The following MPRIP variants were observed in gnomAD, a reference collection of about 807,000 sequenced individuals.
MPRIP encodes myosin phosphatase Rho interacting protein, also known as myosin phosphatase Rho-interacting protein.
Under a neutral mutation model 234.9 loss-of-function variants are expected in MPRIP, and 59 were observed. That is an observed-to-expected ratio of 0.25 (90% confidence interval 0.20 to 0.31). The LOEUF (loss-of-function observed/expected upper bound fraction) is 0.31. Ranked by LOEUF, MPRIP falls within the 10% of genes least tolerant of loss-of-function variation. The pLI is 1.00. For synonymous variants in MPRIP, 1,144 were observed against 1,263.9 expected (o/e 0.91, Z 2.01); for missense variants, 2,436 against 3,071.0 (o/e 0.79, Z 4.89).
intron 22 of MPRIP, 137 bp downstream of exon 22, chr17:17,177,549 G>T (rs1327838440): frequency 1.1e-6 from 1 of 948,880 alleles, no homozygotes; most frequent in East Asian, 2.7e-5. Flanking sequence ...AGTGGAGCAG[G>T]AGCACCAGCT....
intron 12 of MPRIP, among the ~76,000 whole-genome samples, chr17:17,151,637 C>T (rs9893676): frequency 1.3e-5 from 2 of 152,148 alleles, no homozygotes; most frequent in Admixed American, 6.5e-5. Context: ...GCCAGGCCAG[C>T]CTCTACCCTG....
intron 6 of MPRIP, 91 bp from the exon 7 acceptor site, chr17:17,137,825 T>G: frequency 8.2e-7 from 1 of 1,218,126 alleles, no homozygotes; most frequent in Non-Finnish European, 1.1e-6. Context: ...GGCCCCTGCT[T>G]GGATCCTACA....
Position 17,166,212 on chromosome 17 carries a change from G to A in MPRIP, c.4621G>A (p.Glu1541Lys). 7.7e-7 allele frequency: 1 copy of A among 1,303,408 alleles called. No homozygotes were observed. The highest frequency in any genetic ancestry group is 1.0e-6 in the Non-Finnish European group (1 of 988,576). The allele number at this position is 1,303,408 out of a possible 1,614,324, so 80.7% of individuals were successfully genotyped here. Residue 1541 changes from glutamate (E) to lysine (K), a missense_variant, in exon 16 of 24, where the codon GAG (glutamate) becomes AAG (lysine). Transcript: ENST00000651222. This position sits in a 1 kb window ranked among gnomAD's most constrained non-coding sequence, Gnocchi z 4.4. ...RAQLETGGTE[E>K]NGKPASLQQC... ...ACAGCTGGAGACAGGTGGCACCGAG[G>A]AGAATGGGAAGCCTGCCTCCCTGCA...
At chr17:17,079,254 A>G (rs2089406683) in intron 3 of MPRIP, among the ~76,000 whole-genome samples, 1 of 152,164 alleles carries the variant, frequency 6.6e-6, no homozygotes, top group Non-Finnish European at 1.5e-5. Flanking sequence ...ACTGGTTCCT[A>G]CTTAAAAAGA....
chr17:17,061,257 G>A (rs1382853192), intron 1 of MPRIP, among the ~76,000 whole-genome samples: 2 of 152,194 alleles, frequency 1.3e-5, no homozygotes, highest in African/African-American at 4.8e-5. Context: ...ACTTACATCA[G>A]AATGTCCCAG....
chr17:17,168,292 T>C, intron 16 of MPRIP: 1 of 268,036 alleles, frequency 3.7e-6, no homozygotes, highest in South Asian at 4.0e-5. Flanking sequence ...TCTGGCCCAG[T>C]CCCAGCCCAA....
Position 17,138,354 on chromosome 17 carries a change from G to A in MPRIP, c.1175G>A (p.Arg392Lys), listed in dbSNP as rs918370498. 8.4e-6 allele frequency: 3 copies of A among 356,964 alleles called. No individual in the cohort carries two copies. The highest frequency in any genetic ancestry group is 4.6e-5 in the Admixed American group (1 of 21,578). 22.1% of individuals were successfully genotyped at this position (356,964 alleles called of 1,614,324 possible). ...SHREAFQVER[R>K]RLERRTRARS... is the part of the protein sequence containing the mutation. Reference sequence around the variant, plus strand: ...CGAGAAGCCTTCCAGGTGGAGAGAAGGCGGCTGGAGCGTAGAACTCGGGCC... The same window carrying A: ...CGAGAAGCCTTCCAGGTGGAGAGAAAGCGGCTGGAGCGTAGAACTCGGGCC... Residue 392 changes from arginine (R) to lysine (K), a missense_variant, in exon 7 of 24, where the codon AGG (arginine) becomes AAG (lysine). Arg to Lys is a conservative substitution (Grantham distance 26, BLOSUM62 2). This residue lies in a region of MPRIP where 267 missense variants were observed against 252.7 expected (regional missense o/e 1.06). Transcript: ENST00000651222. This position sits in a 1 kb window ranked among gnomAD's most constrained non-coding sequence, Gnocchi z 5.8.
Position 17,075,843 on chromosome 17 carries a change from G to A in MPRIP, c.201+56G>A, listed in dbSNP as rs938391611. On this transcript the variant is annotated intron_variant, in intron 2 of 23. Coordinates refer to ENST00000651222, the MANE Select transcript of MPRIP (RefSeq NM_001364716.4). Reference sequence around the variant, plus strand: ...GAACCAGAGAAGGGACCCATCTAAGGGTGAACTGGCAGAGTGGAAGAGGGA... The same window carrying A: ...GAACCAGAGAAGGGACCCATCTAAGAGTGAACTGGCAGAGTGGAAGAGGGA... 4 of 1,540,874 alleles carry A rather than the reference G, an allele frequency of 2.6e-6. No individual in the cohort carries two copies. In the East Asian group the frequency reaches 6.8e-5, roughly 26 times the overall value.
At chr17:17,089,354 T>A (rs1597785881) in intron 3 of MPRIP, among the ~76,000 whole-genome samples, 1 of 152,238 alleles carries the variant, frequency 6.6e-6, no homozygotes, top group Non-Finnish European at 1.5e-5. Flanking sequence ...CCTTGGCTCG[T>A]GGCCTCTTCC....
Position 17,119,855 on chromosome 17 carries a change from C to T in MPRIP, c.268-6847C>T, listed in dbSNP as rs964503359. ...GCACATGGTAGAAATACTGACTCAC[C>T]GTTTTCCATTTCATGTGCATGTGTG... On this transcript the variant is annotated intron_variant, in intron 3 of 23. Transcript: ENST00000651222. Among the ~76,000 whole-genome samples the T allele has an allele frequency of 7.2e-5, 11 of 152,162 alleles. No homozygotes were observed. The East Asian group carries it at 1.5e-3, about 21-fold the overall frequency.
rs1256264516 is a variant in MPRIP at position 17,136,258 on chromosome 17, A to G, written c.544A>G (p.Ser182Gly). The G allele has an allele frequency of 6.3e-7, 1 of 1,599,902 alleles. No individual in the cohort carries two copies. Among genetic ancestry groups the G allele is most frequent in the Non-Finnish European group, 8.5e-7 (1 of 1,170,840 alleles). ...PAKVAVTSSS[S>G]SSSSSSSIPS... ...CAAGGTGGCTGTTACCAGCAGCAGC[A>G]GCAGCAGCAGCAGCAGCAGCAGCAT... is the stretch of plus-strand genomic sequence containing the variant. The change falls in exon 6 of 24, where the codon AGC becomes GGC. Residue 182 changes from serine (S) to glycine (G), a missense_variant. Transcript: ENST00000651222.
At chr17:17,155,700 A>G (rs1046190940) in intron 13 of MPRIP, among the ~76,000 whole-genome samples, 5 of 152,248 alleles carry the variant, frequency 3.3e-5, no homozygotes, top group Non-Finnish European at 5.9e-5. Flanking sequence ...AACACTGTCT[A>G]GTAAGGCCAA....
Position 17,136,442 on chromosome 17 carries a change from G to A in MPRIP, c.728G>A (p.Ser243Asn), listed in dbSNP as rs780372715. ...TCCCTGCGGGAACCTGGGCTAGAGA[G>A]CAAAGAAGGTGAGCGGAGGCCAGGC... ...ASSLREPGLE[S>N]KEEESAMSSD... Residue 243 changes from serine (S) to asparagine (N), a missense_variant, in exon 6 of 24, where the codon AGC becomes AAC. Physicochemically the swap from Ser to Asn is conservative, Grantham distance 46 (BLOSUM62 1). Around this residue, in one of 4 missense-constraint regions of MPRIP, gnomAD observed 267 missense variants for 252.7 expected, o/e 1.06. Coordinates refer to ENST00000651222, the MANE Select transcript of MPRIP (RefSeq NM_001364716.4). The A allele has an allele frequency of 2.5e-6, 4 of 1,609,600 alleles. No homozygotes were observed. Among genetic ancestry groups the A allele is most frequent in the Admixed American group, 3.4e-5 (2 of 59,534 alleles).
chr17:17,166,712 G>A lies in MPRIP; in HGVS notation c.5121G>A (p.Leu1707=), dbSNP rs952609111. The A allele has an allele frequency of 2.3e-6, 3 of 1,304,058 alleles. No homozygotes were observed. The highest frequency in any genetic ancestry group is 4.6e-5 in the Admixed American group (2 of 43,560). 80.8% of individuals were successfully genotyped at this position (1,304,058 alleles called of 1,614,324 possible). ...TQTALRQHKC[L]LREILGAYQT... ...CGGCCCTGCGGCAGCACAAATGCCT[G>A]CTGAGGGAAATCCTGGGAGCCTACC... The change falls in exon 16 of 24, where the codon CTG becomes CTA. Residue 1707 remains leucine, a synonymous_variant. Transcript: ENST00000651222. This position sits in a 1 kb window ranked among gnomAD's most constrained non-coding sequence, Gnocchi z 4.4.
chr17:17,131,616 G>C lies in MPRIP; in HGVS notation c.420-1G>C. The C allele has an allele frequency of 6.2e-7, 1 of 1,614,034 alleles. No individual in the cohort carries two copies. The highest frequency in any genetic ancestry group is 8.5e-7 in the Non-Finnish European group (1 of 1,179,910). ...GTACTTGTCTCCTTTTCTCTTCCCA[G>C]GTGGCTGGAGATGCTCATGGTCTAT... On this transcript the variant is annotated splice_acceptor_variant, in intron 4 of 23. Coordinates refer to ENST00000651222, the MANE Select transcript of MPRIP (RefSeq NM_001364716.4). LOFTEE classifies it high-confidence loss of function.
chr17:17,047,076 G>C (rs2088375903), intron 1 of MPRIP, among the ~76,000 whole-genome samples: 1 of 152,200 alleles, frequency 6.6e-6, no homozygotes, highest in Non-Finnish European at 1.5e-5. Context: ...TACTCCTTGG[G>C]AGGCTGAGGC....
chr17:17,145,985 A>G (rs1269216240), intron 9 of MPRIP, 51 bp from the exon 10 acceptor site: 2 of 1,563,674 alleles, frequency 1.3e-6, no homozygotes, highest in Middle Eastern at 1.7e-4. Flanking sequence ...TCAGACACTC[A>G]TGACACTAGA....
intron 11 of MPRIP, among the ~76,000 whole-genome samples, 177 bp downstream of exon 11, chr17:17,147,564 C>T (rs574466433): frequency 1.3e-5 from 2 of 152,242 alleles, no homozygotes; most frequent in African/African-American, 2.4e-5. Flanking sequence ...TTCCCAGTCC[C>T]GACCTGGTGG....
At chr17:17,104,638 G>C (rs1255690594) in intron 3 of MPRIP, among the ~76,000 whole-genome samples, 1 of 152,150 alleles carries the variant, frequency 6.6e-6, no homozygotes, top group African/African-American at 2.4e-5. Context: ...CTGTGTCACA[G>C]AGAGACAGAG....
Sources: allele counts gnomAD v4.1 joint callset (sites outside exome capture counted in the v4.1 genomes callset), GRCh38; gene constraint gnomAD v4.1.1; regional missense constraint gnomAD v4.1.1; non-coding constraint Gnocchi (gnomAD v3.1); transcripts MANE v1.5; gene names NCBI Gene and HGNC (gene_info 2026-07-23, HGNC 2026-07-21).